Variants in ARHGAP21 observed in about 807,000 individuals in gnomAD.
ARHGAP21 encodes rho GTPase-activating protein 21.
A neutral mutation model predicts 164.6 loss-of-function variants in ARHGAP21; 38 were observed. That is an observed-to-expected ratio of 0.23 (90% CI 0.18 to 0.30). The LOEUF is 0.30. Among genes scored for constraint, ARHGAP21 ranks in the 10% least tolerant of loss-of-function variants. The pLI is 1.00. For missense variants in ARHGAP21, 1,822 were observed against 2,370.7 expected (o/e 0.77, Z 4.81); for synonymous variants, 766 against 857.9 (o/e 0.89, Z 1.87).
intron 2 of ARHGAP21, among the ~76,000 whole-genome samples, chr10:24,691,186 G>C (rs1842739781): frequency 6.6e-6 from 1 of 152,200 alleles, no homozygotes; most frequent in Non-Finnish European, 1.5e-5. Flanking sequence ...GGATCAAGCT[G>C]TCTTACATTC....
chr10:24,620,867 C>T lies in ARHGAP21; in HGVS notation c.1028G>A (p.Gly343Glu), dbSNP rs376851244. 4 of 1,613,766 alleles carry T rather than the reference C, an allele frequency of 2.5e-6. No individual in the cohort carries two copies. The highest frequency in any genetic ancestry group is 3.4e-6 in the Non-Finnish European group (4 of 1,179,868). ...PAGSRSLEPS[G>E]ILLKSGNYSG... The stretch of plus-strand genomic sequence containing the variant: ...GTAATTTCCAGACTTAAGTAAAATT[C>T]CAGAAGGTTCCAGTGATCTGGAGCC... Residue 343 changes from glycine to glutamate, a missense_variant, in exon 9 of 26, where the codon GGA (glycine) becomes GAA (glutamate). Coordinates refer to ENST00000396432, the MANE Select transcript of ARHGAP21 (RefSeq NM_020824.4).
In ARHGAP21 at chr10:24,584,739, T is replaced by TA; in HGVS notation, c.5549_5550insT (p.Asp1851ArgfsTer14). ...GTAGGCGTTCCCTGGCCAGCCAGTC[T>TA]GAGATGGAAAGGTCCTGGGCTGAGC... On this transcript the variant is annotated frameshift_variant, in exon 26 of 26. Coordinates refer to ENST00000396432, the MANE Select transcript of ARHGAP21 (RefSeq NM_020824.4). LOFTEE classifies it low-confidence loss of function (END_TRUNC). The TA allele has an allele frequency of 6.2e-7, 1 of 1,613,974 alleles. No homozygotes were observed. The highest frequency in any genetic ancestry group is 8.5e-7 in the Non-Finnish European group (1 of 1,179,862).
At chr10:24,641,964 C>A (rs1412386387) in intron 4 of ARHGAP21, among the ~76,000 whole-genome samples, 2 of 151,228 alleles carry the variant, frequency 1.3e-5, no homozygotes, top group Admixed American at 6.6e-5. Flanking sequence ...CCACTGCACT[C>A]CAGCCTGGGT....
At chr10:24,688,306 C>A (rs1352669155) in intron 2 of ARHGAP21, among the ~76,000 whole-genome samples, 1 of 152,110 alleles carries the variant, frequency 6.6e-6, no homozygotes, top group Non-Finnish European at 1.5e-5. Flanking sequence ...GCAGGAGAAT[C>A]CCTTGAACCA....
chr10:24,617,667 C>T (rs1301907234), intron 9 of ARHGAP21, among the ~76,000 whole-genome samples: 3 of 128,482 alleles, frequency 2.3e-5, no homozygotes, highest in African/African-American at 5.1e-5. Flanking sequence ...TGTCACCTAT[C>T]CAATTAAGTG....
At chr10:24,690,750 C>A (rs1842687985) in intron 2 of ARHGAP21, among the ~76,000 whole-genome samples, 1 of 151,688 alleles carries the variant, frequency 6.6e-6, no homozygotes, top group Admixed American at 6.6e-5. Context: ...ATCGCTTGAA[C>A]CCAGGAGGTG....
At chr10:24,695,600 G>A (rs1015217056) in intron 2 of ARHGAP21, among the ~76,000 whole-genome samples, 2 of 151,636 alleles carry the variant, frequency 1.3e-5, no homozygotes, top group Non-Finnish European at 2.9e-5. Context: ...TTTAGCAAAT[G>A]TGATGGGATA....
At chr10:24,672,064 G>T (rs1840759819) in intron 2 of ARHGAP21, among the ~76,000 whole-genome samples, 1 of 151,544 alleles carries the variant, frequency 6.6e-6, no homozygotes, top group Non-Finnish European at 1.5e-5. Flanking sequence ...ACCCTCTCCA[G>T]CTACCACCTT....
At position 24,648,545 on chromosome 10, in the gene ARHGAP21, C is replaced by A. The variant is rs200234133; in HGVS notation, c.269-13442G>T. ...CTATAATCCCAGCACTTTGGGAGGC[C>A]GAGGTGGGTGGATCACCTTGAGGTC... is the stretch of plus-strand genomic sequence containing the variant. On this transcript the variant is annotated intron_variant, in intron 4 of 25. Coordinates refer to ENST00000396432, the MANE Select transcript of ARHGAP21 (RefSeq NM_020824.4). 1.4e-4 allele frequency among the ~76,000 whole-genome samples: 21 copies of A among 152,174 alleles called. No homozygotes were observed. The East Asian group carries it at 4.1e-3, about 29-fold the overall frequency.
At chr10:24,699,634 T>C (rs560253687) in intron 2 of ARHGAP21, among the ~76,000 whole-genome samples, 2 of 152,162 alleles carry the variant, frequency 1.3e-5, no homozygotes, top group African/African-American at 2.4e-5. Context: ...CTAGAATTAC[T>C]AGTTTTAAAA....
intron 2 of ARHGAP21, among the ~76,000 whole-genome samples, chr10:24,697,805 A>G (rs893065467): frequency 6.6e-5 from 10 of 152,140 alleles, no homozygotes; most frequent in African/African-American, 2.2e-4. Context: ...GGTTGCAGTG[A>G]GCGCAGATCG....
intron 7 of ARHGAP21, 82 bp downstream of exon 7, chr10:24,629,914 A>G (rs759373397): frequency 1.0e-6 from 1 of 991,638 alleles, no homozygotes; most frequent in South Asian, 1.4e-5. Flanking sequence ...TTTAAATTCC[A>G]TCTTTAATAC....
At chr10:24,698,354 A>G (rs1843359216) in intron 2 of ARHGAP21, among the ~76,000 whole-genome samples, 1 of 152,268 alleles carries the variant, frequency 6.6e-6, no homozygotes, top group Middle Eastern at 3.4e-3. Context: ...GCATTAACAC[A>G]CTTGCTCAGT....
At position 24,722,086 on chromosome 10, in the gene ARHGAP21, T is replaced by C; in HGVS notation, c.-187A>G. On this transcript the variant is annotated 5_prime_UTR_variant, in exon 2 of 26. Transcript: ENST00000396432. ...GAAGCGCCTTCAAATGCCTCGCTGA[T>C]TTCTCGTGACTTCAACTGACTTCGC... 1 of 634,322 alleles carries C rather than the reference T, an allele frequency of 1.6e-6. No individual in the cohort carries two copies. 39.3% of individuals were successfully genotyped at this position (634,322 alleles called of 1,614,324 possible). A position where few individuals can be genotyped will look rare whatever the true frequency, so the allele number is the denominator to read the frequency against.
chr10:24,602,981 T>C (rs758368497), intron 12 of ARHGAP21, among the ~76,000 whole-genome samples: 2 of 152,130 alleles, frequency 1.3e-5, no homozygotes, highest in Non-Finnish European at 2.9e-5. Context: ...TAAGGAAGTC[T>C]GGGGGTAACT....
chr10:24,679,384 A>T (rs1841559018), intron 2 of ARHGAP21, among the ~76,000 whole-genome samples: 1 of 152,188 alleles, frequency 6.6e-6, no homozygotes, highest in African/African-American at 2.4e-5. Context: ...CATGAATCCC[A>T]TTCATGGGGC....
intron 17 of ARHGAP21, chr10:24,596,361 A>G: frequency 4.5e-6 from 2 of 441,650 alleles, no homozygotes; most frequent in Admixed American, 4.0e-5. Flanking sequence ...GGAGAGAGTA[A>G]TATCAATTCA....
chr10:24,627,153 C>T (rs994349643), intron 7 of ARHGAP21, among the ~76,000 whole-genome samples: 3 of 152,098 alleles, frequency 2.0e-5, no homozygotes, highest in Admixed American at 6.5e-5. Flanking sequence ...GAAAAAAAAC[C>T]TCCATGCACT....
intron 9 of ARHGAP21, among the ~76,000 whole-genome samples, chr10:24,614,377 G>A (rs752267704): frequency 6.6e-6 from 1 of 152,090 alleles, no homozygotes; most frequent in Non-Finnish European, 1.5e-5. Flanking sequence ...AACATTTTTA[G>A]GTTTTTATAA....
Sources: gnomAD v4.1 joint callset for allele counts (sites outside exome capture counted in the v4.1 genomes callset) on GRCh38, gnomAD v4.1.1 for gene constraint, MANE v1.5 for transcripts, NCBI Gene and HGNC (gene_info 2026-07-23, HGNC 2026-07-21) for gene names.